Variants in ZFP64 observed in about 807,000 individuals in gnomAD.
ZFP64 encodes the protein ZFP64 zinc finger protein.
ZFP64 carries 14 observed loss-of-function variants against 51.6 expected under a neutral mutation model. The observed-to-expected ratio is 0.27, with a 90% confidence interval of 0.18 to 0.42. The LOEUF is 0.42. Among genes scored for constraint, ZFP64 ranks in the 10% least tolerant of loss-of-function variants. The probability of loss-of-function intolerance (pLI) is 1.00; values close to 1 mark genes in which losing one functional copy is unlikely to be tolerated. For missense variants in ZFP64, 754 were observed against 906.8 expected (o/e 0.83, Z 2.16); for synonymous variants, 375 against 361.4 (o/e 1.04, Z -0.43).
chr20:52,138,831 T>G (rs1022183564), intron 5 of ZFP64, among the ~76,000 whole-genome samples: 1 of 152,182 alleles, frequency 6.6e-6, no homozygotes, highest in African/African-American at 2.4e-5. Flanking sequence ...TATTCTTCTC[T>G]AATAGTCACC....
At chr20:52,105,074 G>A (rs912902750) in intron 5 of ZFP64, 75 of 1,404,126 alleles carry the variant, frequency 5.3e-5, no homozygotes, top group Middle Eastern at 2.5e-4. Flanking sequence ...CGCGGGTCCG[G>A]AGAACCTCTG....
At chr20:52,115,420 T>C (rs1040537740) in intron 5 of ZFP64, among the ~76,000 whole-genome samples, 36 of 150,048 alleles carry the variant, frequency 2.4e-4, no homozygotes, top group African/African-American at 8.8e-4. Flanking sequence ...AGCTTTTTTT[T>C]TTTTTTTTTT....
chr20:52,090,685 A>G (rs1342333931), intron 7 of ZFP64, among the ~76,000 whole-genome samples: 4 of 151,940 alleles, frequency 2.6e-5, no homozygotes, highest in Non-Finnish European at 2.9e-5. Flanking sequence ...TGTAATCCCA[A>G]CTACTGGGGA....
chr20:52,165,320 C>G (rs1982163444), intron 3 of ZFP64: 1 of 456,062 alleles, frequency 2.2e-6, no homozygotes, highest in Non-Finnish European at 4.4e-6. Context: ...GAAATACACA[C>G]TGAAGTATTT....
chr20:52,155,128 G>T (rs564767372), intron 5 of ZFP64, among the ~76,000 whole-genome samples: 1 of 152,292 alleles, frequency 6.6e-6, no homozygotes, highest in Non-Finnish European at 1.5e-5. Context: ...CAATGTGTGT[G>T]TTTCATTAAT....
intron 5 of ZFP64, chr20:52,105,754 T>C (rs984974261): frequency 6.6e-6 from 1 of 151,974 alleles, no homozygotes; most frequent in Non-Finnish European, 1.5e-5. Flanking sequence ...TCTAACGAGC[T>C]CCCAGGTGGC....
chr20:52,102,107 C>CGAAAAAAAAAAAAAAAAAAAA (rs551838560), intron 5 of ZFP64, among the ~76,000 whole-genome samples: 1 of 63,438 alleles, frequency 1.6e-5, no homozygotes, highest in Admixed American at 1.9e-4. Flanking sequence ...ACTCCATCTC[C>CGAAAAAAAAAAAAAAAAAAAA]AAAAAAAAAA....
chr20:52,107,577 T>A (rs1354937437), intron 5 of ZFP64, among the ~76,000 whole-genome samples: 1 of 152,204 alleles, frequency 6.6e-6, no homozygotes. Flanking sequence ...TACCTACATG[T>A]ATTCCTTAAA....
chr20:52,159,984 A>C (rs1981641175), intron 5 of ZFP64, 139 bp downstream of exon 5: 2 of 1,477,494 alleles, frequency 1.4e-6, no homozygotes, highest in Non-Finnish European at 1.8e-6. Flanking sequence ...CAACAACAAA[A>C]AAAAACAAAA....
chr20:52,111,089 G>A, intron 5 of ZFP64: 1 of 1,006,808 alleles, frequency 9.9e-7, no homozygotes, highest in East Asian at 2.5e-5. Context: ...AGAAGGGGAA[G>A]CGGCAGGGAG....
At chr20:52,166,248 G>C (rs183904045) in intron 2 of ZFP64, among the ~76,000 whole-genome samples, 2 of 151,486 alleles carry the variant, frequency 1.3e-5, no homozygotes, top group Admixed American at 1.3e-4. Context: ...AAAATAGCAT[G>C]GGGGGGCAGG....
Position 52,126,194 on chromosome 20 carries a change from G to A in ZFP64, c.764-27607C>T, listed in dbSNP as rs185627371. Among the ~76,000 whole-genome samples, 14 of 152,172 alleles carry A rather than the reference G, an allele frequency of 9.2e-5. No individual in the cohort carries two copies. The East Asian group carries it at 1.2e-3, about 13-fold the overall frequency. On this transcript the variant is annotated intron_variant, in intron 5 of 8. Coordinates refer to the ZFP64 transcript ENST00000361387. Reference sequence around the variant, plus strand: ...ATTTCAGGCATGAACCAGCGTGCCCGGCCCACAACACGTATTGTTTTATTT... The same window carrying A: ...ATTTCAGGCATGAACCAGCGTGCCCAGCCCACAACACGTATTGTTTTATTT...
intron 5 of ZFP64, among the ~76,000 whole-genome samples, chr20:52,139,968 T>G (rs1268852593): frequency 1.3e-5 from 2 of 151,760 alleles, no homozygotes; most frequent in Non-Finnish European, 2.9e-5. Flanking sequence ...ATTCTGGTAA[T>G]TCTCACATTT....
At chr20:52,118,601 G>A (rs758170646) in intron 5 of ZFP64, among the ~76,000 whole-genome samples, 22 of 152,200 alleles carry the variant, frequency 1.4e-4, no homozygotes, top group Non-Finnish European at 2.9e-4. Flanking sequence ...GGCATGTCCT[G>A]AAGCTATTCA....
At chr20:52,123,375 G>A (rs67892028) in intron 5 of ZFP64, among the ~76,000 whole-genome samples, 26,015 of 152,132 alleles carry the variant, frequency 0.17, 2,860 homozygotes, top group Admixed American at 0.25. Context: ...GCATGCTACG[G>A]AGAAATCTTT....
At chr20:52,099,683 T>C (rs1420294583) in intron 5 of ZFP64, among the ~76,000 whole-genome samples, 3 of 152,216 alleles carry the variant, frequency 2.0e-5, no homozygotes, top group Admixed American at 6.5e-5. Flanking sequence ...TTACAAGTTG[T>C]ATGATATGTG....
intron 5 of ZFP64, among the ~76,000 whole-genome samples, chr20:52,125,418 C>T (rs982643331): frequency 6.6e-6 from 1 of 152,200 alleles, no homozygotes; most frequent in African/African-American, 2.4e-5. Flanking sequence ...CTGCAGGTGG[C>T]ATACTGGAAC....
At chr20:52,179,891 G>C (rs1568703139) in intron 2 of ZFP64, among the ~76,000 whole-genome samples, 1 of 152,168 alleles carries the variant, frequency 6.6e-6, no homozygotes, top group Non-Finnish European at 1.5e-5. Context: ...ATTATCAAGA[G>C]GGAAAGAAGG....
chr20:52,137,908 G>A (rs1358866805), intron 5 of ZFP64, among the ~76,000 whole-genome samples: 3 of 152,012 alleles, frequency 2.0e-5, no homozygotes, highest in Non-Finnish European at 4.4e-5. Flanking sequence ...CGGTGCACTG[G>A]CTCATGCCTC....
Sources: gnomAD v4.1 joint callset for allele counts (sites outside exome capture counted in the v4.1 genomes callset) on GRCh38, gnomAD v4.1.1 for gene constraint, MANE v1.5 for transcripts, NCBI Gene and HGNC (gene_info 2026-07-23, HGNC 2026-07-21) for gene names.